The following CACNB2 variants were observed in gnomAD, a reference collection of about 807,000 sequenced individuals.
CACNB2 encodes the protein calcium voltage-gated channel auxiliary subunit beta 2, also known as voltage-dependent L-type calcium channel subunit beta-2.
A neutral mutation model predicts 73.3 loss-of-function variants in CACNB2; 42 were observed. The ratio of observed to expected loss-of-function variants is 0.57; its 90% CI spans 0.45 to 0.74. The LOEUF (loss-of-function observed/expected upper bound fraction) is 0.74, where lower values mean the gene tolerates loss of function less well. Ranked by LOEUF, CACNB2 falls within the 30% of genes least tolerant of loss-of-function variation. The pLI, the probability that CACNB2 is intolerant of heterozygous loss-of-function variation, is 0.00. For synonymous variants in CACNB2, 348 were observed against 310.3 expected, an observed-to-expected ratio of 1.12 and a Z score of -1.28; for missense variants, 940 against 853.0, an observed-to-expected ratio of 1.10 and a Z score of -1.27.
At chr10:18,201,417 G>A (rs1285379275) in intron 2 of CACNB2, among the ~76,000 whole-genome samples, 1 of 152,042 alleles carries the variant, frequency 6.6e-6, no homozygotes, top group Non-Finnish European at 1.5e-5. Context: ...TGGGATTACA[G>A]GCATGCGCCA....
chr10:18,220,395 G>A (rs1006103942), intron 2 of CACNB2, among the ~76,000 whole-genome samples: 6 of 148,306 alleles, frequency 4.0e-5, no homozygotes, highest in South Asian at 2.2e-4. Context: ...AAGTAGCTAC[G>A]ACTACAGGCA....
intron 2 of CACNB2, among the ~76,000 whole-genome samples, chr10:18,314,795 G>A (rs1328052261): frequency 2.0e-5 from 3 of 152,126 alleles, no homozygotes; most frequent in Non-Finnish European, 2.9e-5. Context: ...TGATACAGTA[G>A]CAATACCAGT....
At chr10:18,338,507 T>C (rs2041092523) in intron 2 of CACNB2, among the ~76,000 whole-genome samples, 1 of 152,186 alleles carries the variant, frequency 6.6e-6, no homozygotes, top group African/African-American at 2.4e-5. Context: ...CTATCAACAT[T>C]GTGTTTGTAG....
At chr10:18,422,551 C>T (rs2045380752) in intron 3 of CACNB2, among the ~76,000 whole-genome samples, 1 of 152,204 alleles carries the variant, frequency 6.6e-6, no homozygotes, top group African/African-American at 2.4e-5. Context: ...TCCATCTCTC[C>T]TCACTCGTCA....
intron 1 of CACNB2, among the ~76,000 whole-genome samples, chr10:18,145,977 C>T (rs114308674): frequency 0.014 from 2,064 of 152,216 alleles, 25 homozygotes; most frequent in African/African-American, 0.032. Flanking sequence ...CTCCTCCCTC[C>T]TGTACCTGCT....
Position 18,255,065 on chromosome 10 carries a change from C to T in CACNB2, c.213+104090C>T, listed in dbSNP as rs532735983. 3.4e-4 allele frequency among the ~76,000 whole-genome samples: 51 copies of T among 152,052 alleles called. No homozygotes were observed. In the South Asian group the frequency reaches 9.2e-3, roughly 27 times the overall value. The stretch of plus-strand genomic sequence containing the variant: ...CTGATCTCCCTGGCTTCTCTCTAGC[C>T]GTCTTCCAATCTGTCTTCAACTGTC... On this transcript the variant is annotated intron_variant, in intron 2 of 13. Transcript: ENST00000324631.
At chr10:18,496,245 C>T (rs916868795) in intron 3 of CACNB2, among the ~76,000 whole-genome samples, 3 of 149,092 alleles carry the variant, frequency 2.0e-5, no homozygotes, top group African/African-American at 7.4e-5. Flanking sequence ...AAATATTTAA[C>T]TCCACCTCAT....
At chr10:18,160,008 A>G (rs2032341556) in intron 2 of CACNB2, among the ~76,000 whole-genome samples, 1 of 152,336 alleles carries the variant, frequency 6.6e-6, no homozygotes, top group African/African-American at 2.4e-5. Context: ...ACCTTTTTAA[A>G]TAAAGAAGTC....
intron 2 of CACNB2, among the ~76,000 whole-genome samples, chr10:18,232,595 A>G (rs2036263569): frequency 6.6e-6 from 1 of 152,202 alleles, no homozygotes; most frequent in South Asian, 2.1e-4. Context: ...CTCTTCCTTT[A>G]ACTAGTGACC....
At chr10:18,220,065 C>T (rs2035671735) in intron 2 of CACNB2, among the ~76,000 whole-genome samples, 1 of 141,084 alleles carries the variant, frequency 7.1e-6, no homozygotes, top group African/African-American at 2.5e-5. Context: ...CCACCCCTGG[C>T]CAAATCTTTC....
At chr10:18,464,133 C>T (rs2047734935) in intron 3 of CACNB2, among the ~76,000 whole-genome samples, 2 of 151,986 alleles carry the variant, frequency 1.3e-5, no homozygotes, top group African/African-American at 4.8e-5. Flanking sequence ...TCTGAGACAC[C>T]ATGTTCTCTG....
At chr10:18,220,688 T>C (rs913343932) in intron 2 of CACNB2, among the ~76,000 whole-genome samples, 1 of 152,124 alleles carries the variant, frequency 6.6e-6, no homozygotes, top group Non-Finnish European at 1.5e-5. Flanking sequence ...CAAGCAAGCA[T>C]TGCAGCCTGA....
At chr10:18,487,081 T>A (rs965209213) in intron 3 of CACNB2, among the ~76,000 whole-genome samples, 8 of 152,120 alleles carry the variant, frequency 5.3e-5, no homozygotes, top group Admixed American at 3.3e-4. Flanking sequence ...CGCGAGAGAT[T>A]GTTCGGACCA....
chr10:18,520,895 CCTCT>C (rs1408995281), intron 9 of CACNB2, among the ~76,000 whole-genome samples: 2 of 152,170 alleles, frequency 1.3e-5, no homozygotes, highest in African/African-American at 4.8e-5. Flanking sequence ...CTCTCCTTTC[CCTCT>C]GTTTTCTAGT....
At chr10:18,356,986 C>T (rs1448202185) in intron 2 of CACNB2, among the ~76,000 whole-genome samples, 1 of 122,842 alleles carries the variant, frequency 8.1e-6, no homozygotes, top group East Asian at 2.1e-4. Flanking sequence ...GCTCTGTCGC[C>T]CAGGCTGGAG....
At chr10:18,195,834 T>A (rs1051486971) in intron 2 of CACNB2, among the ~76,000 whole-genome samples, 4 of 152,262 alleles carry the variant, frequency 2.6e-5, no homozygotes, top group Non-Finnish European at 5.9e-5. Flanking sequence ...GTGTAATGTC[T>A]ATGAACTTGC....
chr10:18,371,849 T>A (rs1032665389), intron 2 of CACNB2, among the ~76,000 whole-genome samples: 4 of 152,214 alleles, frequency 2.6e-5, no homozygotes, highest in African/African-American at 7.2e-5. Context: ...TTTCTCCACA[T>A]CCTCTCCAGC....
At chr10:18,322,110 C>T (rs1402982675) in intron 2 of CACNB2, among the ~76,000 whole-genome samples, 1 of 152,046 alleles carries the variant, frequency 6.6e-6, no homozygotes, top group African/African-American at 2.4e-5. Flanking sequence ...GAGCTATGAT[C>T]GTACCACTCC....
intron 3 of CACNB2, among the ~76,000 whole-genome samples, chr10:18,495,544 ACTGTGTGTGTG>A (rs1356650629): frequency 6.5e-5 from 8 of 123,600 alleles, no homozygotes; most frequent in African/African-American, 2.7e-4. Flanking sequence ...AAGTATAAAA[ACTGTGTGTGTG>A]TGTGTGTGTG....
Sources: allele counts gnomAD v4.1 joint callset (sites outside exome capture counted in the v4.1 genomes callset), GRCh38; gene constraint gnomAD v4.1.1; transcripts MANE v1.5; gene names NCBI Gene and HGNC (gene_info 2026-07-23, HGNC 2026-07-21).